The following THBS2 variants were observed in gnomAD, a reference collection of about 807,000 sequenced individuals.
THBS2 encodes thrombospondin-2.
A neutral mutation model predicts 135.2 loss-of-function variants in THBS2; 47 were observed. The observed-to-expected ratio is 0.35, with a 90% CI of 0.28 to 0.44. The LOEUF (loss-of-function observed/expected upper bound fraction) is 0.44. Ranked by LOEUF, THBS2 falls within the 20% of genes least tolerant of loss-of-function variation. The pLI is 1.00. For synonymous variants in THBS2, 639 were observed against 633.8 expected (o/e 1.01, Z -0.12); for missense variants, 1,288 against 1,603.1 (o/e 0.80, Z 3.36).
chr6:169,237,197 T>C lies in THBS2; in HGVS notation c.1450A>G (p.Lys484Glu), dbSNP rs906438608. Residue 484 changes from lysine to glutamate, a missense_variant, in exon 9 of 22, where the codon AAA (lysine) becomes GAA (glutamate). Coordinates refer to ENST00000617924, the MANE Select transcript of THBS2 (RefSeq NM_003247.5). ...KNCKGSGRETKACQGAPCPID... is the reference protein window; with the variant it reads ...KNCKGSGRETEACQGAPCPID... ...GGGCATGGGGCGCCCTGGCAGGCTT[T>C]GGTCTCCCGGCCACTCCCTTTGCAA... 4 of 1,610,624 alleles carry C rather than the reference T, an allele frequency of 2.5e-6. No individual in the cohort carries two copies. In the Admixed American group the frequency reaches 6.7e-5, roughly 27 times the overall value.
intron 21 of THBS2, 48 bp from the exon 22 acceptor site, chr6:169,217,877 A>G (rs1291469636): frequency 1.3e-6 from 2 of 1,562,130 alleles, no homozygotes; most frequent in Non-Finnish European, 1.7e-6. Flanking sequence ...TAACTGGGCC[A>G]TGGGTAGTGA....
rs1176475131 is a variant in THBS2, at chr6:169,223,478, A to G, written c.2774-3T>C. 2.5e-6 allele frequency: 4 copies of G among 1,610,394 alleles called. No individual in the cohort carries two copies. The highest frequency in any genetic ancestry group is 2.5e-6 in the Non-Finnish European group (3 of 1,177,056). On this transcript the variant is annotated splice_polypyrimidine_tract_variant and splice_region_variant and intron_variant, in intron 17 of 21. Coordinates refer to ENST00000617924, the MANE Select transcript of THBS2 (RefSeq NM_003247.5). ...ACAAATATCACCCCGTCCATCACCTATGCACAAAGAACAAGCAAAAACAAA... is the reference window on the plus strand; with the variant it reads ...ACAAATATCACCCCGTCCATCACCTGTGCACAAAGAACAAGCAAAAACAAA...
intron 6 of THBS2, 65 bp downstream of exon 6, chr6:169,240,387 A>G: frequency 6.3e-7 from 1 of 1,585,210 alleles, no homozygotes; most frequent in East Asian, 2.2e-5. Context: ...ATTTCCAGGC[A>G]GTCAGGTTCT....
intron 3 of THBS2, among the ~76,000 whole-genome samples, chr6:169,246,727 C>T (rs59028472): frequency 0.17 from 25,881 of 152,100 alleles, 2,231 homozygotes; most frequent in East Asian, 0.23. Flanking sequence ...GAGCGCCTTC[C>T]GCAGCTGAGT....
chr6:169,226,873 A>G (rs892660144), intron 15 of THBS2, among the ~76,000 whole-genome samples: 1 of 152,250 alleles, frequency 6.6e-6, no homozygotes, highest in Non-Finnish European at 1.5e-5. Flanking sequence ...GTCCACAGGA[A>G]GAGCCAGAAC....
intron 13 of THBS2, 36 bp downstream of exon 13, chr6:169,231,944 C>T (rs1562357881): frequency 6.8e-6 from 11 of 1,606,232 alleles, no homozygotes; most frequent in Non-Finnish European, 9.4e-6. Flanking sequence ...GGCTGACCGC[C>T]GTGGCCCCGT....
At chr6:169,225,852 C>T (rs1490662050) in intron 16 of THBS2, among the ~76,000 whole-genome samples, 3 of 152,254 alleles carry the variant, frequency 2.0e-5, no homozygotes, top group Admixed American at 2.0e-4. Flanking sequence ...GACACAACCT[C>T]GCTCCAGCTG....
At chr6:169,233,416 C>T (rs1779921676) in intron 10 of THBS2, among the ~76,000 whole-genome samples, 1 of 151,948 alleles carries the variant, frequency 6.6e-6, no homozygotes, top group Non-Finnish European at 1.5e-5. Context: ...TTCCACACTA[C>T]ACAACTACCC....
In THBS2 at chr6:169,241,210, C is replaced by T. The variant is rs1017411783; in HGVS notation, c.891+552G>A. ...TGGGGCACCGTGGCCCGGAGCACCT[C>T]ATTATGTTCAGTCCCTTTCTCTAAA... On this transcript the variant is annotated intron_variant, in intron 5 of 21. Transcript: ENST00000617924. This position sits in a 1 kb window ranked among gnomAD's most constrained non-coding sequence, Gnocchi z 5.5. Among the ~76,000 whole-genome samples the T allele has an allele frequency of 6.6e-6, 1 of 152,142 alleles. No homozygotes were observed.
Position 169,229,602 on chromosome 6 carries a change from G to A in THBS2, c.2229C>T (p.Asp743=), listed in dbSNP as rs148360643. 66 of 1,614,016 alleles carry A rather than the reference G, an allele frequency of 4.1e-5. 1 individual carries two copies. In the Middle Eastern group the frequency reaches 6.6e-4, roughly 16 times the overall value. The stretch of plus-strand genomic sequence containing the variant: ...CATCGGTCACACCGTCATTGTCATC[G>A]TCATCATCACAGGCATCGCCAATCC... ...KDGIGDACDD[D]DDNDGVTDEK... The change falls in exon 14 of 22, where the codon GAC becomes GAT. Residue 743 remains aspartate (D), a synonymous_variant. Coordinates refer to ENST00000617924, the MANE Select transcript of THBS2 (RefSeq NM_003247.5).
Position 169,235,027 on chromosome 6 carries a change from G to C in THBS2, c.1478-120C>G, listed in dbSNP as rs1779984957. 9 of 1,025,398 alleles carry C rather than the reference G, an allele frequency of 8.8e-6. No homozygotes were observed. In the South Asian group the frequency reaches 1.6e-4, roughly 18 times the overall value. The allele number at this position is 1,025,398 out of a possible 1,614,324, so 63.5% of individuals were successfully genotyped here. A position where few individuals can be genotyped will look rare whatever the true frequency, so the allele number is the denominator to read the frequency against. ...TGTTCCCTACACAGCCCCACAAACT[G>C]GTTTCTCCCCAGGTTGGCTGACTAC... is the stretch of plus-strand genomic sequence containing the variant. On this transcript the variant is annotated intron_variant, in intron 9 of 21. Transcript: ENST00000617924.
At position 169,241,836 on chromosome 6, in the gene THBS2, G is replaced by A; in HGVS notation, c.817C>T (p.Leu273=). The change falls in exon 5 of 22, where the codon CTG becomes TTG. Residue 273 remains leucine (L), a synonymous_variant. Coordinates refer to ENST00000617924, the MANE Select transcript of THBS2 (RefSeq NM_003247.5). This position sits in a 1 kb window ranked among gnomAD's most constrained non-coding sequence, Gnocchi z 5.5. ...GAGAGCTCCTGGACCATGTTTCCCA[G>A]CTCCTCGCACGAGCGTTCGCACACC... ...PEVCERSCEE[L]GNMVQELSGL... 6.2e-7 allele frequency: 1 copy of A among 1,612,778 alleles called. No homozygotes were observed. The highest frequency in any genetic ancestry group is 1.1e-5 in the South Asian group (1 of 91,066).
At chr6:169,242,047 G>A in intron 4 of THBS2, 89 bp from the exon 5 acceptor site, 1 of 1,431,226 alleles carries the variant, frequency 7.0e-7, no homozygotes, top group Non-Finnish European at 9.4e-7. Flanking sequence ...ACCCGCCCTG[G>A]CTCCCGGAGC....
chr6:169,238,522 G>A (rs1780184320), intron 7 of THBS2, among the ~76,000 whole-genome samples: 1 of 152,218 alleles, frequency 6.6e-6, no homozygotes, highest in Admixed American at 6.5e-5. Flanking sequence ...AGTCTAATGT[G>A]GGCCCTTTGA....
intron 4 of THBS2, among the ~76,000 whole-genome samples, chr6:169,245,324 T>C (rs1780504194): frequency 6.6e-6 from 1 of 152,236 alleles, no homozygotes; most frequent in Non-Finnish European, 1.5e-5. Flanking sequence ...ATGTACGGCA[T>C]TTAATGAACC....
intron 9 of THBS2, among the ~76,000 whole-genome samples, chr6:169,236,060 CCATCCACACTCA>C (rs2115003651): frequency 7.8e-6 from 1 of 127,828 alleles, no homozygotes; most frequent in African/African-American, 3.1e-5. Flanking sequence ...CACTCACTCC[CCATCCACACTCA>C]CCATCCACAC....
chr6:169,221,462 G>C lies in THBS2; in HGVS notation c.3339C>G (p.His1113Gln), dbSNP rs754482111. The change falls in exon 20 of 22, where the codon CAC (histidine) becomes CAG (glutamine). Residue 1113 changes from histidine to glutamine, a missense_variant. By Grantham distance (24) the His-to-Gln change is conservative. Coordinates refer to ENST00000617924, the MANE Select transcript of THBS2 (RefSeq NM_003247.5). ...GWKDYTAYRW[H>Q]LTHRPKTGYI... is the part of the protein sequence containing the mutation. The stretch of plus-strand genomic sequence containing the variant: ...AGCCAGTCTTGGGCCTGTGAGTCAG[G>C]TGCCACCTATAGGCCGTGTAGTCCT... 6.2e-7 allele frequency: 1 copy of C among 1,614,024 alleles called. No individual in the cohort carries two copies.
intron 4 of THBS2, among the ~76,000 whole-genome samples, chr6:169,244,402 C>A (rs1281292787): frequency 1.3e-5 from 2 of 150,964 alleles, no homozygotes; most frequent in African/African-American, 4.9e-5. Flanking sequence ...GTTTTACTCA[C>A]TGACCATTAT....
rs1779965352 is a variant in THBS2 at position 169,234,591 on chromosome 6, A to T, written c.1651+143T>A. On this transcript the variant is annotated intron_variant, in intron 10 of 21. Transcript: ENST00000617924. ...GAAATACAGGAGGACTGAAACACAG[A>T]TGTTAAAAGTAGTTATCTTTGCGTG... 1.2e-5 allele frequency: 10 copies of T among 856,616 alleles called. No individual in the cohort carries two copies. In the South Asian group the frequency reaches 2.0e-4, roughly 18 times the overall value. 53.1% of individuals were successfully genotyped at this position (856,616 alleles called of 1,614,324 possible).
Sources: gnomAD v4.1 joint callset for allele counts (sites outside exome capture counted in the v4.1 genomes callset) on GRCh38, gnomAD v4.1.1 for gene constraint, Gnocchi (gnomAD v3.1) non-coding constraint, MANE v1.5 for transcripts, NCBI Gene and HGNC (gene_info 2026-07-23, HGNC 2026-07-21) for gene names.